Variants in CAMKMT observed in about 807,000 individuals in gnomAD.
CAMKMT encodes calmodulin-lysine N-methyltransferase.
CAMKMT carries 53 observed loss-of-function variants against 48.0 expected under a neutral mutation model. The observed-to-expected ratio is 1.10, with a 90% confidence interval of 0.89 to 1.39. The LOEUF (loss-of-function observed/expected upper bound fraction) is 1.39, where lower values mean the gene tolerates loss of function less well. CAMKMT is among the 40% of genes most tolerant of loss of function. CAMKMT has a pLI of 0.00. For synonymous variants in CAMKMT, 165 were observed against 152.3 expected (o/e 1.08, Z -0.61); for missense variants, 428 against 402.7 (o/e 1.06, Z -0.54).
chr2:44,448,037 A>G (rs530658902), intron 3 of CAMKMT, among the ~76,000 whole-genome samples: 1 of 152,196 alleles, frequency 6.6e-6, no homozygotes, highest in Admixed American at 6.5e-5. Context: ...TTCACTTAAC[A>G]TTTATTACAA....
At chr2:44,532,673 A>G (rs771345475) in intron 3 of CAMKMT, among the ~76,000 whole-genome samples, 3 of 152,230 alleles carry the variant, frequency 2.0e-5, no homozygotes, top group Non-Finnish European at 2.9e-5. Context: ...TTTATGTGGA[A>G]GCCAGAAAAG....
At chr2:44,587,014 G>C (rs1669896147) in intron 3 of CAMKMT, among the ~76,000 whole-genome samples, 1 of 152,102 alleles carries the variant, frequency 6.6e-6, no homozygotes. Context: ...TCTCATTGTG[G>C]TTTTAATTTA....
intron 7 of CAMKMT, among the ~76,000 whole-genome samples, chr2:44,729,201 G>A (rs343968): frequency 0.14 from 21,367 of 152,070 alleles, 1,667 homozygotes; most frequent in South Asian, 0.19. Flanking sequence ...TGAGGTGGCA[G>A]TAGAATAGAT....
At chr2:44,395,072 A>G in intron 3 of CAMKMT, 2 of 424,118 alleles carry the variant, frequency 4.7e-6, no homozygotes, top group South Asian at 1.7e-5. Flanking sequence ...TTTTACTTGT[A>G]TTTAGGAAAC....
At chr2:44,631,617 C>G (rs79430367) in intron 3 of CAMKMT, 5 of 494,042 alleles carry the variant, frequency 1.0e-5, no homozygotes, top group Non-Finnish European at 1.8e-5. Context: ...GCATTTCTTG[C>G]GGACAGTTGT....
At chr2:44,676,982 A>T (rs1002861560) in intron 3 of CAMKMT, among the ~76,000 whole-genome samples, 1 of 151,958 alleles carries the variant, frequency 6.6e-6, no homozygotes, top group African/African-American at 2.4e-5. Context: ...GTATTTTAGC[A>T]TTATGTTTTA....
chr2:44,528,277 A>T (rs996584600), intron 3 of CAMKMT, among the ~76,000 whole-genome samples: 51 of 152,138 alleles, frequency 3.4e-4, no homozygotes, highest in African/African-American at 1.2e-3. Context: ...TTTAACAAGA[A>T]AACAGTTATT....
intron 3 of CAMKMT, among the ~76,000 whole-genome samples, chr2:44,681,356 C>G (rs1676009426): frequency 1.3e-5 from 2 of 152,182 alleles, no homozygotes; most frequent in Non-Finnish European, 2.9e-5. Flanking sequence ...TTAGTCGCAG[C>G]TGATCCCCTA....
chr2:44,507,581 TAGA>T (rs1670327139), intron 3 of CAMKMT, among the ~76,000 whole-genome samples: 6 of 152,222 alleles, frequency 3.9e-5, no homozygotes. Flanking sequence ...CTCATCATTT[TAGA>T]AGTCCTGTTG....
At chr2:44,611,326 G>A (rs890623052) in intron 3 of CAMKMT, among the ~76,000 whole-genome samples, 2 of 151,954 alleles carry the variant, frequency 1.3e-5, no homozygotes, top group South Asian at 2.1e-4. Flanking sequence ...CCAGCTACTC[G>A]GGAGGGTGAG....
intron 3 of CAMKMT, among the ~76,000 whole-genome samples, chr2:44,444,986 A>G (rs1666893743): frequency 6.6e-6 from 1 of 152,218 alleles, no homozygotes; most frequent in Admixed American, 6.5e-5. Context: ...CCTGGGAAAG[A>G]AAACTGGATC....
intron 3 of CAMKMT, among the ~76,000 whole-genome samples, chr2:44,608,564 A>G (rs1331029655): frequency 2.0e-5 from 3 of 152,138 alleles, no homozygotes; most frequent in African/African-American, 7.2e-5. Flanking sequence ...CTTTCTAGCT[A>G]TTTGAAACTA....
chr2:44,377,030 A>G (rs1679768090), intron 2 of CAMKMT, among the ~76,000 whole-genome samples: 1 of 151,868 alleles, frequency 6.6e-6, no homozygotes, highest in Non-Finnish European at 1.5e-5. Context: ...CTTTTTTGAG[A>G]CGGTCTCACT....
intron 9 of CAMKMT, among the ~76,000 whole-genome samples, chr2:44,760,139 G>C (rs893734122): frequency 6.6e-6 from 1 of 152,140 alleles, no homozygotes; most frequent in African/African-American, 2.4e-5. Flanking sequence ...AGGAATTACA[G>C]TGCAATATGG....
intron 3 of CAMKMT, among the ~76,000 whole-genome samples, chr2:44,519,178 A>G (rs972253161): frequency 2.0e-5 from 3 of 152,186 alleles, no homozygotes; most frequent in African/African-American, 7.2e-5. Context: ...AATTGCTGCT[A>G]TTGTGTATCT....
intron 7 of CAMKMT, among the ~76,000 whole-genome samples, chr2:44,716,467 A>G (rs1678181091): frequency 1.3e-5 from 2 of 152,140 alleles, no homozygotes; most frequent in Non-Finnish European, 2.9e-5. Context: ...TCTTATATTA[A>G]TTGGTGAATG....
At chr2:44,619,405 C>A (rs143378472) in intron 3 of CAMKMT, among the ~76,000 whole-genome samples, 77 of 152,088 alleles carry the variant, frequency 5.1e-4, no homozygotes, top group African/African-American at 1.8e-3. Context: ...ATTTGTAATT[C>A]ATTGCACCTA....
chr2:44,512,747 A>G (rs973687496), intron 3 of CAMKMT, among the ~76,000 whole-genome samples: 3 of 152,226 alleles, frequency 2.0e-5, no homozygotes, highest in African/African-American at 7.2e-5. Context: ...TCAACTTACA[A>G]TGGGCTTCAT....
rs539898553 is a variant in CAMKMT at position 44,488,127 on chromosome 2, A to G, written c.376+97822A>G. ...GTCTCATACCAATATCAATGACATT[A>G]AAGTCTCCATATGTATCAAGTTATC... On this transcript the variant is annotated intron_variant, in intron 3 of 10. Transcript: ENST00000378494. 3.9e-5 allele frequency among the ~76,000 whole-genome samples: 6 copies of G among 152,380 alleles called. No homozygotes were observed. In the South Asian group the frequency reaches 1.2e-3, roughly 32 times the overall value.
Sources: allele counts gnomAD v4.1 joint callset (sites outside exome capture counted in the v4.1 genomes callset), GRCh38; gene constraint gnomAD v4.1.1; transcripts MANE v1.5; gene names NCBI Gene and HGNC (gene_info 2026-07-23, HGNC 2026-07-21).